ZNF500: variants seen among roughly 807,000 people sequenced by gnomAD.
The protein encoded by ZNF500 is zinc finger protein 500, also known as zinc finger protein with KRAB and SCAN domains 18.
Under a neutral mutation model 30.1 loss-of-function variants are expected in ZNF500, and 31 were observed. The observed-to-expected ratio is 1.03, with a 90% confidence interval of 0.77 to 1.39. The LOEUF is 1.39. Ranked by LOEUF, ZNF500 falls within the 40% of genes most tolerant of loss-of-function variation. The pLI is 0.00. For synonymous variants in ZNF500, 392 were observed against 282.0 expected (o/e 1.39, Z -3.91); for missense variants, 817 against 657.8 (o/e 1.24, Z -2.65).
intron 5 of ZNF500, among the ~76,000 whole-genome samples, chr16:4,755,286 A>AC (rs1344736853): frequency 2.0e-5 from 3 of 151,732 alleles, no homozygotes; most frequent in Admixed American, 2.0e-4. Flanking sequence ...GAGCCACAGC[A>AC]CCCAGCCTTG....
At chr16:4,763,514 C>A in intron 2 of ZNF500, 1 of 982,412 alleles carries the variant, frequency 1.0e-6, no homozygotes, top group Non-Finnish European at 1.2e-6. Context: ...TAGAATTGAG[C>A]TCTGCAATAG....
At chr16:4,762,383 G>A (rs1194480978) in intron 3 of ZNF500, 48 bp from the exon 4 acceptor site, 1 of 1,560,744 alleles carries the variant, frequency 6.4e-7, no homozygotes, top group Non-Finnish European at 8.7e-7. Context: ...ACCCAGTACT[G>A]CCCCTGCCGT....
Position 4,765,781 on chromosome 16 carries a change from C to T in ZNF500, c.198G>A (p.Glu66=), listed in dbSNP as rs760516426. The stretch of plus-strand genomic sequence containing the variant: ...ACAGCTCCCAGAGGCGGCTCAGGGC[C>T]TCCCGGGGCCCAGCCACCTCCTGGT... ...FCYQEVAGPR[E]ALSRLWELCC... The change falls in exon 2 of 6, where the codon GAG becomes GAA. Residue 66 remains glutamate (E), a synonymous_variant. Transcript: ENST00000219478. The T allele has an allele frequency of 1.2e-6, 2 of 1,612,998 alleles. No individual in the cohort carries two copies. The highest frequency in any genetic ancestry group is 1.7e-6 in the Non-Finnish European group (2 of 1,179,848).
chr16:4,765,855 C>G lies in ZNF500; in HGVS notation c.124G>C (p.Glu42Gln). The change falls in exon 2 of 6, where the codon GAG becomes CAG. Residue 42 changes from glutamate (E) to glutamine (Q), a missense_variant. Physicochemically the swap from Glu to Gln is conservative, Grantham distance 29 (BLOSUM62 2). Coordinates refer to ENST00000219478, the MANE Select transcript of ZNF500 (RefSeq NM_021646.4). ...CLEEEPSVET[E>Q]DPSPETFRQL... The stretch of plus-strand genomic sequence containing the variant: ...CGGAAAGTCTCAGGGCTGGGGTCCT[C>G]CGTCTCCACGGAGGGCTCCTCTTCC... 6.2e-7 allele frequency: 1 copy of G among 1,613,798 alleles called. No homozygotes were observed. The highest frequency in any genetic ancestry group is 8.5e-7 in the Non-Finnish European group (1 of 1,180,026).
chr16:4,757,654 G>A (rs1175732465), intron 5 of ZNF500, among the ~76,000 whole-genome samples: 2 of 152,006 alleles, frequency 1.3e-5, no homozygotes, highest in Non-Finnish European at 2.9e-5. Context: ...CCAGACTGGA[G>A]TGCAGTGGTG....
downstream of ZNF500, chr16:4,747,235 G>A (rs2142215222): frequency 1.4e-6 from 2 of 1,379,856 alleles, no homozygotes; most frequent in African/African-American, 1.5e-5. Context: ...TTGCATTCTT[G>A]CTCTGAAATG....
rs1480938802 is a variant in ZNF500, at chr16:4,766,032, TC to T, written c.-55del. 8.7e-6 allele frequency: 13 copies of T among 1,502,096 alleles called. No homozygotes were observed. The highest frequency in any genetic ancestry group is 2.8e-5 in the African/African-American group (2 of 71,548). The allele number at this position is 1,502,096 out of a possible 1,614,324, so 93.0% of individuals were successfully genotyped here. On this transcript the variant is annotated 5_prime_UTR_variant, in exon 2 of 6. Coordinates refer to ENST00000219478, the MANE Select transcript of ZNF500 (RefSeq NM_021646.4). ...GGCCTTAGAGTTGAACCTGTCTCTCTCTATACCTCTGGCCAGACACAGGAAG... is the reference window on the plus strand; with the variant it reads ...GGCCTTAGAGTTGAACCTGTCTCTCTTATACCTCTGGCCAGACACAGGAAG...
downstream of ZNF500, chr16:4,747,102 T>C: frequency 7.2e-7 from 1 of 1,389,068 alleles, no homozygotes; most frequent in Non-Finnish European, 9.7e-7. Flanking sequence ...ACCTGGCACA[T>C]TTACCGCCTG....
At chr16:4,760,438 G>C in intron 5 of ZNF500, 54 bp downstream of exon 5, 3 of 1,546,968 alleles carry the variant, frequency 1.9e-6, no homozygotes, top group South Asian at 1.2e-5. Context: ...GCTGGTGCCT[G>C]ACAGTTCCTA....
downstream of ZNF500, chr16:4,744,721 G>A: frequency 2.0e-6 from 2 of 983,186 alleles, no homozygotes; most frequent in Non-Finnish European, 2.9e-6. Flanking sequence ...TCCTCAGAGG[G>A]CTGAGTAGGG....
In ZNF500 at chr16:4,760,606, A is replaced by G. The variant is rs1054845157; in HGVS notation, c.664-18T>C. On this transcript the variant is annotated intron_variant, in intron 4 of 5. Coordinates refer to ENST00000219478, the MANE Select transcript of ZNF500 (RefSeq NM_021646.4). ...ACGGGCACCTGCCAGAACGCACCCC[A>G]CTCAGTCCTGGCCCCAAGCAAGCTG... The G allele has an allele frequency of 2.5e-6, 4 of 1,610,126 alleles. No homozygotes were observed. In the Admixed American group the frequency reaches 5.0e-5, roughly 20 times the overall value.
In ZNF500 at chr16:4,764,095, G is replaced by C. The variant is rs115355345; in HGVS notation, c.415-1339C>G. The C allele has an allele frequency of 1.8e-3, 1,814 of 985,454 alleles. 25 individuals are homozygous for C. The African/African-American group carries it at 0.029, about 16-fold the overall frequency. The allele number at this position is 985,454 out of a possible 1,614,324, so 61.0% of individuals were successfully genotyped here. ...ACTCCTTCAAATGGGGCTGGAAGGA[G>C]GTGGAGAGGCACTGTCTATAGAGAT... On this transcript the variant is annotated intron_variant, in intron 2 of 5. Coordinates refer to ENST00000219478, the MANE Select transcript of ZNF500 (RefSeq NM_021646.4).
Position 4,751,501 on chromosome 16 carries a change from G to C in ZNF500, c.*875C>G. 7.1e-7 allele frequency: 1 copy of C among 1,417,348 alleles called. No homozygotes were observed. The highest frequency in any genetic ancestry group is 9.4e-7 in the Non-Finnish European group (1 of 1,062,480). The allele number at this position is 1,417,348 out of a possible 1,614,324, so 87.8% of individuals were successfully genotyped here. On this transcript the variant is annotated 3_prime_UTR_variant, in exon 6 of 6. Coordinates refer to ENST00000219478, the MANE Select transcript of ZNF500 (RefSeq NM_021646.4). ...GCAGAGCAGCTATGGATCTGCAAAG[G>C]GGACTGGAATGCTGCAGAGCCCCGG... is the stretch of plus-strand genomic sequence containing the variant.
Position 4,752,450 on chromosome 16 carries a change from G to A in ZNF500, c.1369C>T (p.Arg457Trp), listed in dbSNP as rs779426611. 27 of 1,541,632 alleles carry A rather than the reference G, an allele frequency of 1.8e-5. No homozygotes were observed. Among genetic ancestry groups the A allele is most frequent in the Middle Eastern group, 1.7e-4 (1 of 5,824 alleles). Reference sequence around the variant, plus strand: ...AAGGAGCCTGCCCCCATGTGGGTCCGCTGGTGCTTGTGCAGGTCGGTGCCC... The same window carrying A: ...AAGGAGCCTGCCCCCATGTGGGTCCACTGGTGCTTGTGCAGGTCGGTGCCC... ...RRGTDLHKHQ[R>W]THMGAGSLPT... is the part of the protein sequence containing the mutation. Residue 457 changes from arginine to tryptophan, a missense_variant, in exon 6 of 6, where the codon CGG becomes TGG. Physicochemically the swap from Arg to Trp is moderately radical, Grantham distance 101. Transcript: ENST00000219478.
chr16:4,747,567 A>G (rs545222104), downstream of ZNF500: 1 of 1,611,654 alleles, frequency 6.2e-7, no homozygotes, highest in Admixed American at 1.7e-5. Flanking sequence ...GCCCTGGGGG[A>G]TGTTCCTGAG....
intron 2 of ZNF500, chr16:4,763,482 T>C (rs2082230237): frequency 2.3e-6 from 2 of 876,974 alleles, no homozygotes; most frequent in Admixed American, 6.3e-5. Context: ...CCAGGAAAGG[T>C]GAGTTGAATG....
At chr16:4,759,810 G>C (rs568999194) in intron 5 of ZNF500, among the ~76,000 whole-genome samples, 1 of 152,334 alleles carries the variant, frequency 6.6e-6, no homozygotes, top group Non-Finnish European at 1.5e-5. Context: ...GCCTAGGCCA[G>C]CGGATCACCT....
In ZNF500 at chr16:4,757,395, C is replaced by G. The variant is rs1268217118; in HGVS notation, c.760+3097G>C. On this transcript the variant is annotated intron_variant, in intron 5 of 5. Coordinates refer to ENST00000219478, the MANE Select transcript of ZNF500 (RefSeq NM_021646.4). ...TGGTATGATCACAGCTTACTGCAGC[C>G]TTGACCCCCCAAGCTCAAGTGTTCC... is the stretch of plus-strand genomic sequence containing the variant. Among the ~76,000 whole-genome samples the G allele has an allele frequency of 2.0e-5, 3 of 152,034 alleles. No individual in the cohort carries two copies. In the East Asian group the frequency reaches 5.8e-4, roughly 29 times the overall value.
intron 5 of ZNF500, chr16:4,756,397 T>C (rs1462781377): frequency 1.3e-5 from 2 of 151,948 alleles, no homozygotes; most frequent in Non-Finnish European, 2.9e-5. Flanking sequence ...GGCACGAGAA[T>C]TGCTTGAACC....
Sources: allele counts gnomAD v4.1 joint callset (sites outside exome capture counted in the v4.1 genomes callset), GRCh38; gene constraint gnomAD v4.1.1; transcripts MANE v1.5; gene names NCBI Gene and HGNC (gene_info 2026-07-23, HGNC 2026-07-21).